UBAP2L: variants seen among roughly 807,000 people sequenced by gnomAD.
UBAP2L encodes the protein ubiquitin-associated protein 2-like.
UBAP2L carries 12 observed loss-of-function variants against 130.6 expected under a neutral mutation model. That is an observed-to-expected ratio of 0.09 (90% CI 0.06 to 0.15). The LOEUF is 0.15. Among genes scored for constraint, UBAP2L ranks in the 10% least tolerant of loss-of-function variants. The pLI, the probability that UBAP2L is intolerant of heterozygous loss-of-function variation, is 1.00. For missense variants in UBAP2L, 965 were observed against 1,332.5 expected (o/e 0.72, Z 4.29); for synonymous variants, 503 against 524.7 (o/e 0.96, Z 0.57).
chr1:154,240,985 A>G (rs955326878), intron 8 of UBAP2L, among the ~76,000 whole-genome samples: 1 of 129,632 alleles, frequency 7.7e-6, no homozygotes, highest in African/African-American at 2.9e-5. Context: ...GAAAGTAGCT[A>G]TGAAATCATA....
intron 10 of UBAP2L, among the ~76,000 whole-genome samples, chr1:154,243,605 C>T (rs1194581): frequency 0.065 from 9,947 of 152,118 alleles, 1,079 homozygotes; most frequent in African/African-American, 0.22. Flanking sequence ...GGATTACAGG[C>T]GTGTGCCACC....
At chr1:154,259,499 T>C (rs1350682776) in intron 21 of UBAP2L, among the ~76,000 whole-genome samples, 1 of 152,146 alleles carries the variant, frequency 6.6e-6, no homozygotes, top group African/African-American at 2.4e-5. Context: ...GCCTTTTTTT[T>C]TTCTTTTTTT....
chr1:154,241,348 A>G (rs1181824006), intron 8 of UBAP2L, among the ~76,000 whole-genome samples, 165 bp from the exon 9 acceptor site: 1 of 152,162 alleles, frequency 6.6e-6, no homozygotes, highest in African/African-American at 2.4e-5. Flanking sequence ...TCGGCCTCTC[A>G]AAGTATTAGG....
chr1:154,235,156 TTTGTTG>T (rs369112672), intron 5 of UBAP2L, 34 bp from the exon 6 acceptor site: 2 of 725,370 alleles, frequency 2.8e-6, no homozygotes, highest in African/African-American at 3.5e-5. Context: ...GTTTGGTTTT[TTTGTTG>T]TTGTTGTTGT....
chr1:154,223,908 C>T (rs1176201218), intron 1 of UBAP2L, among the ~76,000 whole-genome samples: 1 of 152,156 alleles, frequency 6.6e-6, no homozygotes, highest in Non-Finnish European at 1.5e-5. Flanking sequence ...TATAAGGTTT[C>T]ATTAACAAGA....
upstream of UBAP2L, chr1:154,220,680 G>GT: frequency 2.0e-6 from 1 of 502,746 alleles, no homozygotes; most frequent in Admixed American, 3.4e-5. Context: ...AACTACGACA[G>GT]TAAGAGGAAG....
intron 4 of UBAP2L, among the ~76,000 whole-genome samples, chr1:154,233,677 G>GTC (rs762209292): frequency 0.03 from 4,540 of 151,040 alleles, 130 homozygotes; most frequent in Non-Finnish European, 0.045. Context: ...GTGTGTGTGT[G>GTC]TCTGTAGGTA....
chr1:154,269,151 G>T, intron 26 of UBAP2L, 197 bp downstream of exon 26: 1 of 886,158 alleles, frequency 1.1e-6, no homozygotes, highest in Non-Finnish European at 1.7e-6. Context: ...TCAGAGAAGG[G>T]CCGGGTTGAA....
Position 154,234,686 on chromosome 1 carries a change from C to A in UBAP2L, c.375C>A (p.Asp125Glu), listed in dbSNP as rs1178696243. Residue 125 changes from aspartate to glutamate, a missense_variant, in exon 5 of 27, where the codon GAC (aspartate) becomes GAA (glutamate). Asp to Glu is a conservative substitution (Grantham distance 45, BLOSUM62 2). Coordinates refer to ENST00000428931, the MANE Select transcript of UBAP2L (RefSeq NM_014847.4). ...ESNEEGKENRDRDRDYSRRRG... is the reference protein window; with the variant it reads ...ESNEEGKENRERDRDYSRRRG... ...ATGAGGAAGGCAAAGAAAATCGAGA[C>A]CGGGACAGAGACTATAGTCGGCGAC... 6.2e-7 allele frequency: 1 copy of A among 1,613,928 alleles called. No individual in the cohort carries two copies.
intron 10 of UBAP2L, 83 bp from the exon 11 acceptor site, chr1:154,246,121 T>G: frequency 6.8e-7 from 1 of 1,463,736 alleles, no homozygotes; most frequent in Non-Finnish European, 9.2e-7. Context: ...AGTGGCTTCA[T>G]TTTGATCTAA....
chr1:154,220,233 G>T, upstream of UBAP2L: 4 of 1,356,382 alleles, frequency 2.9e-6, no homozygotes, highest in South Asian at 2.4e-5. Flanking sequence ...GTCAAAGCCC[G>T]GATAGGCGCA....
upstream of UBAP2L, chr1:154,220,433 T>C (rs1394305816): frequency 2.5e-6 from 4 of 1,614,138 alleles, no homozygotes; most frequent in Non-Finnish European, 2.5e-6. Context: ...CGCAGAATTG[T>C]TCGGGTTTAC....
At chr1:154,247,974 TA>T (rs200772207) in intron 11 of UBAP2L, among the ~76,000 whole-genome samples, 107 of 149,008 alleles carry the variant, frequency 7.2e-4, no homozygotes, top group East Asian at 2.5e-3. Flanking sequence ...ATTTATTTTT[TA>T]TTTTTTTTTG....
chr1:154,259,781 T>C lies in UBAP2L; in HGVS notation c.2497-167T>C, dbSNP rs866989525. On this transcript the variant is annotated intron_variant, in intron 21 of 26. Transcript: ENST00000428931. ...GCTCATGGCCAGGCAGGGGGGACAG[T>C]GTATGCAAGAGTAATGTGGAGTTTG... is the stretch of plus-strand genomic sequence containing the variant. 1.5e-4 allele frequency: 121 copies of C among 795,660 alleles called. 1 individual carries two copies. The highest frequency in any genetic ancestry group is 9.1e-4 in the South Asian group (66 of 72,772). 49.3% of individuals were successfully genotyped at this position (795,660 alleles called of 1,614,324 possible).
intron 10 of UBAP2L, among the ~76,000 whole-genome samples, chr1:154,245,440 C>T (rs1675103313): frequency 6.6e-6 from 1 of 152,086 alleles, no homozygotes; most frequent in South Asian, 2.1e-4. Flanking sequence ...TGAAATTTTA[C>T]GAAAATTGTG....
At chr1:154,254,596 G>A in intron 15 of UBAP2L, 1 of 562,108 alleles carries the variant, frequency 1.8e-6, no homozygotes, top group Non-Finnish European at 3.1e-6. Context: ...CAATTTGTAG[G>A]GTTTCCTTCT....
chr1:154,264,711 A>G (rs1156416267), intron 24 of UBAP2L, among the ~76,000 whole-genome samples: 6 of 152,142 alleles, frequency 3.9e-5, no homozygotes, highest in Non-Finnish European at 2.9e-5. Flanking sequence ...TAGGCAGCCT[A>G]GCCTCACTGC....
chr1:154,220,346 C>G (rs147570400), upstream of UBAP2L: 3 of 1,614,232 alleles, frequency 1.9e-6, no homozygotes, highest in African/African-American at 2.7e-5. Flanking sequence ...CCTCACCAGG[C>G]TCCCGTAGGC....
intron 21 of UBAP2L, chr1:154,259,606 G>T: frequency 2.9e-6 from 1 of 342,182 alleles, no homozygotes; most frequent in East Asian, 6.8e-5. Flanking sequence ...GTTTGTCCCA[G>T]ACACTTTAAA....
Sources: gnomAD v4.1 joint callset for allele counts (sites outside exome capture counted in the v4.1 genomes callset) on GRCh38, gnomAD v4.1.1 for gene constraint, MANE v1.5 for transcripts, NCBI Gene and HGNC (gene_info 2026-07-23, HGNC 2026-07-21) for gene names.